CHD9: variants seen among roughly 807,000 people sequenced by gnomAD.
CHD9 encodes the protein chromodomain helicase DNA binding protein 9.
A neutral mutation model predicts 316.1 loss-of-function variants in CHD9; 77 were observed. The observed-to-expected ratio is 0.24, with a 90% CI of 0.20 to 0.29. The LOEUF (loss-of-function observed/expected upper bound fraction) is 0.29, where lower values mean the gene tolerates loss of function less well. Among genes scored for constraint, CHD9 ranks in the 10% least tolerant of loss-of-function variants. CHD9 has a pLI of 1.00. For synonymous variants in CHD9, 1,129 were observed against 1,158.3 expected (o/e 0.97, Z 0.51); for missense variants, 2,763 against 3,438.1 (o/e 0.80, Z 4.91).
At chr16:53,096,633 A>G (rs943404968) in intron 1 of CHD9, among the ~76,000 whole-genome samples, 2 of 152,216 alleles carry the variant, frequency 1.3e-5, no homozygotes, top group South Asian at 2.1e-4. Context: ...CTTAGCTACT[A>G]TATTATAGGT....
chr16:53,249,263 G>A (rs1176324957), intron 16 of CHD9, among the ~76,000 whole-genome samples: 1 of 152,158 alleles, frequency 6.6e-6, no homozygotes, highest in Non-Finnish European at 1.5e-5. Flanking sequence ...GATGTCATAT[G>A]TATACCACTT....
At chr16:53,211,540 G>A (rs1405731090) in intron 3 of CHD9, among the ~76,000 whole-genome samples, 1 of 151,876 alleles carries the variant, frequency 6.6e-6, no homozygotes, top group African/African-American at 2.4e-5. Context: ...TTTTGTTTTG[G>A]CTAAATACAT....
At chr16:53,065,729 G>A (rs966055813) in intron 1 of CHD9, among the ~76,000 whole-genome samples, 2 of 150,472 alleles carry the variant, frequency 1.3e-5, no homozygotes, top group Admixed American at 6.6e-5. Flanking sequence ...GGTTTTCAGA[G>A]TTTCCACTAC....
At chr16:53,066,659 CCATA>C (rs141999512) in intron 1 of CHD9, among the ~76,000 whole-genome samples, 1,877 of 152,128 alleles carry the variant, frequency 0.012, 48 homozygotes, top group African/African-American at 0.043. Context: ...GGGAGGAGAG[CCATA>C]CAGTCTTCTT....
At chr16:53,240,290 A>AG (rs2152945227) in intron 12 of CHD9, among the ~76,000 whole-genome samples, 1 of 152,276 alleles carries the variant, frequency 6.6e-6, no homozygotes, top group South Asian at 2.1e-4. Context: ...TGACATTCTC[A>AG]TTTTTTATAG....
intron 24 of CHD9, among the ~76,000 whole-genome samples, chr16:53,276,655 T>C (rs1472045133): frequency 6.6e-6 from 1 of 152,192 alleles, no homozygotes; most frequent in Non-Finnish European, 1.5e-5. Flanking sequence ...TTTTAAGGAC[T>C]TTACTCTTAC....
chr16:53,323,971 T>G, intron 38 of CHD9, 49 bp from the exon 39 acceptor site: 1 of 1,442,786 alleles, frequency 6.9e-7, no homozygotes, highest in Non-Finnish European at 9.5e-7. Flanking sequence ...TAATAACTCT[T>G]TATTTTATTT....
At chr16:53,183,210 G>A (rs974582616) in intron 2 of CHD9, among the ~76,000 whole-genome samples, 8 of 152,102 alleles carry the variant, frequency 5.3e-5, no homozygotes, top group Non-Finnish European at 1.0e-4. Context: ...TACCACCTAG[G>A]TTTAACAAAT....
At chr16:53,080,293 T>C (rs183870063) in intron 1 of CHD9, among the ~76,000 whole-genome samples, 109 of 152,332 alleles carry the variant, frequency 7.2e-4, no homozygotes, top group Admixed American at 3.0e-3. Flanking sequence ...ATCCCTTCCC[T>C]GTAGCCTACT....
In CHD9 at chr16:53,146,419, G is replaced by GTATGTATATATATA. The variant is rs59577921; in HGVS notation, c.-164-9504_-164-9503insGTATATATATATAT. Among the ~76,000 whole-genome samples, 412 of 76,312 alleles carry GTATGTATATATATA rather than the reference G, an allele frequency of 5.4e-3. 16 individuals are homozygous for GTATGTATATATATA. The highest frequency in any genetic ancestry group is 0.011 in the Middle Eastern group (2 of 176). The allele number at this position is 76,312 out of a possible 152,430, so 50.1% of individuals were successfully genotyped here. On this transcript the variant is annotated intron_variant, in intron 1 of 38. Coordinates refer to ENST00000447540, the MANE Select transcript of CHD9 (RefSeq NM_001308319.2). ...AAAAAAAAATTGTGTGTGTGTGTATGTATATATATATATATATAATTAAAA... is the reference window on the plus strand; with the variant it reads ...AAAAAAAAATTGTGTGTGTGTGTATGTATGTATATATATATATATATATATATATATAATTAAAA...
At chr16:53,265,323 A>AC (rs2051550827) in intron 20 of CHD9, among the ~76,000 whole-genome samples, 2 of 151,998 alleles carry the variant, frequency 1.3e-5, no homozygotes, top group Non-Finnish European at 2.9e-5. Flanking sequence ...GGATGGCTTG[A>AC]CCCCAAGAGT....
chr16:53,069,335 G>A (rs1005477499), intron 1 of CHD9, among the ~76,000 whole-genome samples: 4 of 152,094 alleles, frequency 2.6e-5, no homozygotes, highest in Admixed American at 6.6e-5. Context: ...CATTAAGTGC[G>A]TTCACATTGT....
intron 4 of CHD9, among the ~76,000 whole-genome samples, chr16:53,223,191 A>T (rs1424026496): frequency 6.6e-6 from 1 of 152,142 alleles, no homozygotes; most frequent in Non-Finnish European, 1.5e-5. Flanking sequence ...TGTGAAGAAA[A>T]GATAACTGAC....
chr16:53,142,170 TCGA>T (rs2152709032), intron 1 of CHD9, among the ~76,000 whole-genome samples: 1 of 152,336 alleles, frequency 6.6e-6, no homozygotes, highest in African/African-American at 2.4e-5. Flanking sequence ...TCTTGGTAAG[TCGA>T]CAAGGAATCT....
intron 1 of CHD9, among the ~76,000 whole-genome samples, chr16:53,071,873 T>A (rs2034087356): frequency 6.6e-6 from 1 of 152,184 alleles, no homozygotes; most frequent in South Asian, 2.1e-4. Flanking sequence ...CAGAAAGCAT[T>A]TCAACGGCAG....
chr16:53,132,012 C>A (rs1018532732), intron 1 of CHD9, among the ~76,000 whole-genome samples: 5 of 152,192 alleles, frequency 3.3e-5, no homozygotes, highest in Admixed American at 6.5e-5. Flanking sequence ...CAAGCACTAC[C>A]CGGAAAGCCC....
At chr16:53,284,635 GTTAT>G (rs2053701687) in intron 24 of CHD9, among the ~76,000 whole-genome samples, 1 of 151,992 alleles carries the variant, frequency 6.6e-6, no homozygotes, top group African/African-American at 2.4e-5. Context: ...CATTCTAGTA[GTTAT>G]TTGTTACTTA....
rs1434277917 is a variant in CHD9, at chr16:53,109,563, G to T, written c.-164-46363G>T. Among the ~76,000 whole-genome samples, 8 of 151,278 alleles carry T rather than the reference G, an allele frequency of 5.3e-5. No individual in the cohort carries two copies. The East Asian group carries it at 1.6e-3, about 29-fold the overall frequency. ...TTGGCCAGGCTAGTCTCCAACTCCT[G>T]ACCTCAGGTGATCCACCTGCCTTGG... On this transcript the variant is annotated intron_variant, in intron 1 of 38. Transcript: ENST00000447540.
At chr16:53,118,813 GAC>G (rs1336497610) in intron 1 of CHD9, among the ~76,000 whole-genome samples, 1 of 37,950 alleles carries the variant, frequency 2.6e-5, no homozygotes, top group Non-Finnish European at 6.2e-5. Flanking sequence ...TTTTTTTTTT[GAC>G]AGAGTCTTGC....
Sources: gnomAD v4.1 joint callset for allele counts (sites outside exome capture counted in the v4.1 genomes callset) on GRCh38, gnomAD v4.1.1 for gene constraint, MANE v1.5 for transcripts, NCBI Gene and HGNC (gene_info 2026-07-23, HGNC 2026-07-21) for gene names.